Variants in FBXO4 observed in about 807,000 individuals in gnomAD.
The protein encoded by FBXO4 is F-box protein 4.
A neutral mutation model predicts 43.7 loss-of-function variants in FBXO4; 36 were observed. The ratio of observed to expected loss-of-function variants is 0.82; its 90% CI spans 0.63 to 1.09. FBXO4 has a LOEUF of 1.09. FBXO4 is among the 50% of genes least tolerant of loss of function. The pLI, the probability that FBXO4 is intolerant of heterozygous loss-of-function variation, is 0.00. For missense variants in FBXO4, 435 were observed against 474.1 expected (o/e 0.92, Z 0.77); for synonymous variants, 180 against 165.6 (o/e 1.09, Z -0.67).
At chr5:41,983,009 G>A in the FBXO4 span, among the ~76,000 whole-genome samples, 1 of 152,042 alleles carries the variant, frequency 6.6e-6, no homozygotes, top group Non-Finnish European at 1.5e-5. Flanking sequence ...GAGAATGATG[G>A]TTTCCAGCTT....
chr5:42,039,736 G>A, the FBXO4 span, among the ~76,000 whole-genome samples: 6 of 151,998 alleles, frequency 3.9e-5, no homozygotes, highest in South Asian at 1.2e-3. Context: ...ATACGGCAAA[G>A]GTGAAAAGAA....
chr5:41,991,895 A>G, the FBXO4 span, among the ~76,000 whole-genome samples: 1 of 152,172 alleles, frequency 6.6e-6, no homozygotes, highest in African/African-American at 2.4e-5. Flanking sequence ...ACTGACCAAC[A>G]TGGAGAAACC....
intron 2 of FBXO4, among the ~76,000 whole-genome samples, chr5:41,928,195 T>A (rs1446675931): frequency 6.6e-6 from 1 of 152,214 alleles, no homozygotes; most frequent in Non-Finnish European, 1.5e-5. Context: ...AGGCAATACC[T>A]GTACAATAGC....
chr5:42,008,743 T>C, the FBXO4 span, among the ~76,000 whole-genome samples: 2 of 152,232 alleles, frequency 1.3e-5, no homozygotes, highest in African/African-American at 2.4e-5. Context: ...GAATTTTTAA[T>C]GTGTGATTCT....
chr5:41,953,600 T>A, the FBXO4 span, among the ~76,000 whole-genome samples: 4 of 150,496 alleles, frequency 2.7e-5, no homozygotes, highest in African/African-American at 7.3e-5. Flanking sequence ...TGAACTAGTT[T>A]ACAGTCCCAC....
At chr5:41,988,334 C>G in the FBXO4 span, among the ~76,000 whole-genome samples, 1 of 152,108 alleles carries the variant, frequency 6.6e-6, no homozygotes, top group Non-Finnish European at 1.5e-5. Flanking sequence ...ATAGTTTCTA[C>G]TGAGGGCAGA....
At chr5:41,983,363 T>TTA in the FBXO4 span, among the ~76,000 whole-genome samples, 3 of 152,104 alleles carry the variant, frequency 2.0e-5, no homozygotes, top group African/African-American at 7.2e-5. Flanking sequence ...GAAGGAGGGG[T>TTA]TATTATGCAC....
At chr5:41,930,129 G>T in intron 3 of FBXO4, 1 of 510,034 alleles carries the variant, frequency 2.0e-6, no homozygotes, top group East Asian at 3.2e-5. Flanking sequence ...GTACAATCCA[G>T]CCTTTAAGAT....
intron 2 of FBXO4, among the ~76,000 whole-genome samples, chr5:41,929,140 C>T (rs1046788661): frequency 7.2e-5 from 11 of 152,208 alleles, no homozygotes; most frequent in African/African-American, 2.7e-4. Context: ...ATTGTGCTAA[C>T]TATCTGTGTG....
In FBXO4 at chr5:41,925,398, G is replaced by T; in HGVS notation, c.89G>T (p.Gly30Val). The T allele has an allele frequency of 7.2e-7, 1 of 1,385,386 alleles. No homozygotes were observed. The highest frequency in any genetic ancestry group is 9.4e-7 in the Non-Finnish European group (1 of 1,064,876). 85.8% of individuals were successfully genotyped at this position (1,385,386 alleles called of 1,614,324 possible). Residue 30 changes from glycine (G) to valine (V), a missense_variant, in exon 1 of 7, where the codon GGC becomes GTC. Transcript: ENST00000281623. ...CGCCTGGAGGCGGCCATCCTCAGCGGCTGGAAGACCTTCTGGCAGTCAGTG... is the reference window on the plus strand; with the variant it reads ...CGCCTGGAGGCGGCCATCCTCAGCGTCTGGAAGACCTTCTGGCAGTCAGTG... Reference protein sequence around the residue: ...WGRLEAAILSGWKTFWQSVSK... With the variant: ...WGRLEAAILSVWKTFWQSVSK...
rs1309315252 is a variant in FBXO4 at position 41,925,429 on chromosome 5, G to A, written c.120G>A (p.Lys40=). The change falls in exon 1 of 7, where the codon AAG becomes AAA. Residue 40 remains lysine, a synonymous_variant. Transcript: ENST00000281623. ...AGACCTTCTGGCAGTCAGTGAGCAAGGAGAGGGTGGCGCGTACGACCTCAC... is the reference window on the plus strand; with the variant it reads ...AGACCTTCTGGCAGTCAGTGAGCAAAGAGAGGGTGGCGCGTACGACCTCAC... ...GWKTFWQSVS[K]ERVARTTSRE... is the part of the protein sequence containing the mutation. The A allele has an allele frequency of 1.6e-5, 22 of 1,377,850 alleles. No homozygotes were observed. Among genetic ancestry groups the A allele is most frequent in the Non-Finnish European group, 2.1e-5 (22 of 1,059,466 alleles). The allele number at this position is 1,377,850 out of a possible 1,614,324, so 85.4% of individuals were successfully genotyped here.
the FBXO4 span, among the ~76,000 whole-genome samples, chr5:42,003,401 A>G: frequency 6.6e-6 from 1 of 152,216 alleles, no homozygotes; most frequent in African/African-American, 2.4e-5. Flanking sequence ...AAAATGTGGT[A>G]CTGTTTTCAG....
the FBXO4 span, among the ~76,000 whole-genome samples, chr5:41,992,972 A>C: frequency 6.6e-6 from 1 of 152,228 alleles, no homozygotes; most frequent in African/African-American, 2.4e-5. Flanking sequence ...GGAGAATGAT[A>C]AAACTGAGAA....
chr5:42,029,100 C>T, the FBXO4 span, among the ~76,000 whole-genome samples: 1 of 151,928 alleles, frequency 6.6e-6, no homozygotes, highest in Admixed American at 6.6e-5. Context: ...TTGAAGTACT[C>T]CCTTTGGCTT....
At chr5:42,034,485 T>G in the FBXO4 span, among the ~76,000 whole-genome samples, 1 of 152,368 alleles carries the variant, frequency 6.6e-6, no homozygotes, top group South Asian at 2.1e-4. Flanking sequence ...TCTAGGGTTT[T>G]TATGGTTTTG....
At chr5:41,981,967 T>C in the FBXO4 span, among the ~76,000 whole-genome samples, 1 of 150,132 alleles carries the variant, frequency 6.7e-6, no homozygotes, top group Non-Finnish European at 1.5e-5. Context: ...TTCTCATTGT[T>C]CAATTCCCAC....
rs377366379 is a variant in FBXO4, at chr5:41,929,820, A to G, written c.549A>G (p.Gly183=). The G allele has an allele frequency of 3.7e-6, 6 of 1,614,040 alleles. No individual in the cohort carries two copies. Among genetic ancestry groups the G allele is most frequent in the Non-Finnish European group, 5.1e-6 (6 of 1,180,036 alleles). The change falls in exon 3 of 7, where the codon GGA becomes GGG. Residue 183 remains glycine, a synonymous_variant. Transcript: ENST00000281623. ...ATGAACCACGATTTGCTATGTTTGG[A>G]CCAGGTTTGGAAGAATTGAATACCT... The part of the protein sequence containing the change: ...IQNEPRFAMF[G]PGLEELNTSL...
chr5:42,007,717 T>A, the FBXO4 span, among the ~76,000 whole-genome samples: 17 of 152,244 alleles, frequency 1.1e-4, no homozygotes, highest in East Asian at 2.5e-3. Flanking sequence ...AATAGTTTTT[T>A]AAATATATTC....
intron 1 of FBXO4, among the ~76,000 whole-genome samples, chr5:41,926,515 G>T (rs1190065779): frequency 6.6e-6 from 1 of 152,220 alleles, no homozygotes; most frequent in Non-Finnish European, 1.5e-5. Context: ...GGAGCTTGCA[G>T]TGAGCCGAGA....
Sources: gnomAD v4.1 joint callset for allele counts (sites outside exome capture counted in the v4.1 genomes callset) on GRCh38, gnomAD v4.1.1 for gene constraint, MANE v1.5 for transcripts, NCBI Gene and HGNC (gene_info 2026-07-23, HGNC 2026-07-21) for gene names.